ARHGAP32: variants seen among roughly 807,000 people sequenced by gnomAD.
The protein encoded by ARHGAP32 is Rho GTPase activating protein 32, also known as rho GTPase-activating protein 32.
ARHGAP32 carries 51 observed loss-of-function variants against 186.5 expected under a neutral mutation model. The ratio of observed to expected loss-of-function variants is 0.27; its 90% confidence interval spans 0.22 to 0.35. ARHGAP32 has a LOEUF of 0.35. ARHGAP32 is among the 10% of genes least tolerant of loss of function. The probability of loss-of-function intolerance (pLI) is 1.00; values close to 1 mark genes in which losing one functional copy is unlikely to be tolerated. For synonymous variants in ARHGAP32, 950 were observed against 964.3 expected (o/e 0.99, Z 0.27); for missense variants, 2,186 against 2,623.5 (o/e 0.83, Z 3.64).
chr11:129,271,230 G>A (rs534242061), intron 1 of ARHGAP32, among the ~76,000 whole-genome samples: 2 of 152,264 alleles, frequency 1.3e-5, no homozygotes, highest in South Asian at 4.2e-4. Flanking sequence ...AAGTCTGCTG[G>A]CAGTTTGCCA....
chr11:129,107,082 A>G (rs969989672), intron 5 of ARHGAP32, among the ~76,000 whole-genome samples: 2 of 152,330 alleles, frequency 1.3e-5, no homozygotes, highest in South Asian at 2.1e-4. Flanking sequence ...CTGGTCACAT[A>G]TAAGTGATCC....
At chr11:129,031,300 T>C (rs773006097) in intron 11 of ARHGAP32, among the ~76,000 whole-genome samples, 24 of 152,122 alleles carry the variant, frequency 1.6e-4, no homozygotes, top group South Asian at 8.3e-4. Context: ...TATCCAGGGG[T>C]CTTAAGTACC....
chr11:129,260,078 C>T (rs1293556244), intron 1 of ARHGAP32, among the ~76,000 whole-genome samples: 2 of 152,130 alleles, frequency 1.3e-5, no homozygotes, highest in Non-Finnish European at 2.9e-5. Context: ...CTTTTGTCTC[C>T]ATTCCTTCAA....
chr11:129,117,257 T>G (rs1043818070), intron 5 of ARHGAP32, among the ~76,000 whole-genome samples: 2 of 151,986 alleles, frequency 1.3e-5, no homozygotes, highest in Non-Finnish European at 2.9e-5. Flanking sequence ...AGTAAGTTCT[T>G]AAACTCTTTT....
chr11:129,124,750 C>A, intron 3 of ARHGAP32, 53 bp downstream of exon 3: 1 of 1,355,498 alleles, frequency 7.4e-7, no homozygotes, highest in Non-Finnish European at 1.0e-6. Flanking sequence ...AATTGAAGAA[C>A]TGATTTCCAT....
upstream of ARHGAP32, among the ~76,000 whole-genome samples, chr11:129,192,428 G>A (rs1416430016): frequency 6.6e-6 from 1 of 152,104 alleles, no homozygotes; most frequent in Non-Finnish European, 1.5e-5. Context: ...CACTGCCTTA[G>A]GCTGCGTGAC....
intron 1 of ARHGAP32, among the ~76,000 whole-genome samples, chr11:129,260,944 A>T (rs529872263): frequency 6.6e-6 from 1 of 152,278 alleles, no homozygotes; most frequent in East Asian, 1.9e-4. Flanking sequence ...AACAAAGATA[A>T]GAAACAGTTT....
chr11:129,164,237 G>T (rs980817202), intron 2 of ARHGAP32, 82 bp downstream of exon 2: 1 of 841,560 alleles, frequency 1.2e-6, no homozygotes, highest in Non-Finnish European at 1.8e-6. Flanking sequence ...TTTGTGTAAT[G>T]TGTCCTCAGT....
intron 1 of ARHGAP32, among the ~76,000 whole-genome samples, chr11:129,262,601 C>T (rs1164928731): frequency 6.6e-6 from 1 of 151,944 alleles, no homozygotes. Context: ...TTTCACATGT[C>T]GGCCAAGCTG....
rs769361728 is a variant in ARHGAP32, at chr11:128,969,978, C to T, written c.5235G>A (p.Pro1745=). 8 of 1,614,210 alleles carry T rather than the reference C, an allele frequency of 5.0e-6. No homozygotes were observed. In the East Asian group the frequency reaches 6.7e-5, roughly 13 times the overall value. Residue 1745 remains proline (P), a synonymous_variant, in exon 23 of 23, where the codon CCG becomes CCA. Transcript: ENST00000682385. This position sits in a 1 kb window ranked among gnomAD's most constrained non-coding sequence, Gnocchi z 4.8. ...TGTAGGTGTGCTTCACATCAGCAGC[C>T]GGAGGCATGCTGACTACATTATGGT... ...PNDHNVVSMP[P]AADVKHTYTS...
At position 129,209,832 on chromosome 11, in the gene ARHGAP32, T is replaced by C. The variant is rs1041856500; in HGVS notation, c.-4-45405A>G. On this transcript the variant is annotated intron_variant, in intron 1 of 6. Transcript: ENST00000525234. ...TATAATAAACTTAGAACACGAAGGATACCACTTAAAAGCTGAAAAGTTTTG... is the reference window on the plus strand; with the variant it reads ...TATAATAAACTTAGAACACGAAGGACACCACTTAAAAGCTGAAAAGTTTTG... Among the ~76,000 whole-genome samples, 7 of 152,316 alleles carry C rather than the reference T, an allele frequency of 4.6e-5. No individual in the cohort carries two copies. In the East Asian group the frequency reaches 1.3e-3, roughly 29 times the overall value.
intron 6 of ARHGAP32, among the ~76,000 whole-genome samples, chr11:129,067,717 T>C (rs757349581): frequency 7.3e-4 from 111 of 152,064 alleles, no homozygotes; most frequent in Non-Finnish European, 1.4e-3. Context: ...AATTTTTATG[T>C]AGAGCCTTTT....
intron 2 of ARHGAP32, among the ~76,000 whole-genome samples, chr11:129,158,779 G>A (rs745866044): frequency 7.9e-5 from 12 of 152,108 alleles, no homozygotes; most frequent in African/African-American, 2.2e-4. Flanking sequence ...GCACCATATC[G>A]CATGTATTCT....
At chr11:129,035,776 G>A (rs1465479324) in intron 11 of ARHGAP32, among the ~76,000 whole-genome samples, 4 of 151,838 alleles carry the variant, frequency 2.6e-5, no homozygotes, top group Admixed American at 6.6e-5. Flanking sequence ...CCTGGAAGGC[G>A]GAGGTTGCAG....
chr11:128,970,174 G>A lies in ARHGAP32; in HGVS notation c.5039C>T (p.Ala1680Val), dbSNP rs368884236. 55 of 1,614,086 alleles carry A rather than the reference G, an allele frequency of 3.4e-5. No individual in the cohort carries two copies. Among genetic ancestry groups the A allele is most frequent in the Non-Finnish European group, 4.6e-5 (54 of 1,180,048 alleles). ...SSSSYYSPDG[A>V]LCDVDAYGTV... ...GCCATAGGCATCCACATCACACAGG[G>A]CCCCATCTGGACTGTAATAGGAACT... is the stretch of plus-strand genomic sequence containing the variant. Residue 1680 changes from alanine (A) to valine (V), a missense_variant, in exon 23 of 23, where the codon GCC (alanine) becomes GTC (valine). Physicochemically the swap from Ala to Val is moderately conservative, Grantham distance 64. Coordinates refer to ENST00000682385, the MANE Select transcript of ARHGAP32 (RefSeq NM_001378024.1). This position sits in a 1 kb window ranked among gnomAD's most constrained non-coding sequence, Gnocchi z 5.8.
At chr11:129,027,875 A>T (rs1268518868) in intron 11 of ARHGAP32, among the ~76,000 whole-genome samples, 2 of 152,202 alleles carry the variant, frequency 1.3e-5, no homozygotes, top group African/African-American at 4.8e-5. Context: ...TGGTGTGTTC[A>T]CTGTTTTAGC....
chr11:129,192,326 G>T (rs1440407393), upstream of ARHGAP32: 4 of 682,878 alleles, frequency 5.9e-6, no homozygotes, highest in East Asian at 7.6e-5. Context: ...AGGTACTGGT[G>T]CTGGTTTAAT....
intron 6 of ARHGAP32, among the ~76,000 whole-genome samples, chr11:129,092,906 A>C (rs754304894): frequency 5.9e-5 from 9 of 152,052 alleles, no homozygotes; most frequent in Non-Finnish European, 1.2e-4. Flanking sequence ...ACCAGTAGGC[A>C]AAAAGCTCAA....
intron 12 of ARHGAP32, 48 bp downstream of exon 12, chr11:128,998,271 T>G: frequency 7.0e-7 from 1 of 1,435,984 alleles, no homozygotes; most frequent in Non-Finnish European, 9.3e-7. Flanking sequence ...CAAACCAATA[T>G]GGAGAGGTCA....
Sources: allele counts gnomAD v4.1 joint callset (sites outside exome capture counted in the v4.1 genomes callset), GRCh38; gene constraint gnomAD v4.1.1; non-coding constraint Gnocchi (gnomAD v3.1); transcripts MANE v1.5; gene names NCBI Gene and HGNC (gene_info 2026-07-23, HGNC 2026-07-21).